Variants in ARHGAP10 observed in about 807,000 individuals in gnomAD.
ARHGAP10 encodes Rho GTPase activating protein 10, also known as rho GTPase-activating protein 10.
A neutral mutation model predicts 108.6 loss-of-function variants in ARHGAP10; 87 were observed. The observed-to-expected ratio is 0.80, with a 90% confidence interval of 0.67 to 0.96. The LOEUF is 0.96. ARHGAP10 is among the 40% of genes least tolerant of loss of function. ARHGAP10 has a pLI of 0.00. For missense variants in ARHGAP10, 939 were observed against 954.5 expected (o/e 0.98, Z 0.21); for synonymous variants, 347 against 341.1 (o/e 1.02, Z -0.19).
At chr4:147,882,322 G>T (rs1458164731) in intron 10 of ARHGAP10, among the ~76,000 whole-genome samples, 1 of 152,092 alleles carries the variant, frequency 6.6e-6, no homozygotes, top group Middle Eastern at 3.2e-3. Context: ...AATTAGCCAG[G>T]CGTGGTGGCA....
intron 1 of ARHGAP10, among the ~76,000 whole-genome samples, chr4:147,783,996 TA>T (rs1344151035): frequency 2.1e-5 from 3 of 139,778 alleles, no homozygotes; most frequent in Non-Finnish European, 3.0e-5. Flanking sequence ...ATAATTTATA[TA>T]ACACATTAAA....
chr4:147,742,844 C>A (rs1159027709), intron 1 of ARHGAP10, among the ~76,000 whole-genome samples: 1 of 150,914 alleles, frequency 6.6e-6, no homozygotes, highest in Non-Finnish European at 1.5e-5. Flanking sequence ...ATAGGCCTCT[C>A]ATTTATACAT....
chr4:148,066,890 G>A (rs1250409734), intron 22 of ARHGAP10, among the ~76,000 whole-genome samples: 2 of 152,204 alleles, frequency 1.3e-5, no homozygotes, highest in Admixed American at 1.3e-4. Context: ...TGACCACGAT[G>A]CCACACTGGG....
rs762417695 is a variant in ARHGAP10, at chr4:147,864,883, A to G, written c.524A>G (p.Tyr175Cys). 16 of 1,614,012 alleles carry G rather than the reference A, an allele frequency of 9.9e-6. No homozygotes were observed. Among genetic ancestry groups the G allele is most frequent in the East Asian group, 2.2e-5 (1 of 44,898 alleles). ...GTAGAGCAGAACCGGCAACACTTCT[A>G]TGAACTGTCTCTCGAGTATGTGTGT... ...IQVEQNRQHFYELSLEYVCKL... is the reference protein window; with the variant it reads ...IQVEQNRQHFCELSLEYVCKL... The change falls in exon 6 of 23, where the codon TAT becomes TGT. Residue 175 changes from tyrosine to cysteine, a missense_variant. Coordinates refer to ENST00000336498, the MANE Select transcript of ARHGAP10 (RefSeq NM_024605.4).
intron 22 of ARHGAP10, among the ~76,000 whole-genome samples, chr4:148,070,265 G>A (rs1400298784): frequency 6.6e-6 from 1 of 152,182 alleles, no homozygotes; most frequent in Non-Finnish European, 1.5e-5. Context: ...CTGGAAGTGG[G>A]GGGATGCTGA....
At chr4:147,933,021 T>G (rs1737765144) in intron 13 of ARHGAP10, among the ~76,000 whole-genome samples, 1 of 152,206 alleles carries the variant, frequency 6.6e-6, no homozygotes, top group South Asian at 2.1e-4. Flanking sequence ...TTTTAAAAAT[T>G]ATTTCAATCT....
intron 4 of ARHGAP10, among the ~76,000 whole-genome samples, chr4:147,854,310 C>G (rs374445465): frequency 6.6e-6 from 1 of 152,066 alleles, no homozygotes; most frequent in East Asian, 1.9e-4. Context: ...AAGACATGGC[C>G]AACATACTGG....
chr4:147,774,564 A>G (rs1172520603), intron 1 of ARHGAP10, among the ~76,000 whole-genome samples: 1 of 152,124 alleles, frequency 6.6e-6, no homozygotes, highest in Non-Finnish European at 1.5e-5. Context: ...ATATTTACTT[A>G]TTTATTATAA....
chr4:147,732,426 A>G lies in ARHGAP10; in HGVS notation c.125A>G (p.Asp42Gly). 6.2e-7 allele frequency: 1 copy of G among 1,612,478 alleles called. No individual in the cohort carries two copies. The highest frequency in any genetic ancestry group is 8.5e-7 in the Non-Finnish European group (1 of 1,179,322). ...TNKFIKELIK[D>G]GKNLIAATKS... ...AAGTTCATCAAAGAGCTCATTAAGG[A>G]CGGGAAGAACCTCATCGCTGCGACG... The change falls in exon 1 of 23, where the codon GAC becomes GGC. Residue 42 changes from aspartate (D) to glycine (G), a missense_variant. By Grantham distance (94) the Asp-to-Gly change is moderately conservative. Coordinates refer to ENST00000336498, the MANE Select transcript of ARHGAP10 (RefSeq NM_024605.4).
intron 10 of ARHGAP10, among the ~76,000 whole-genome samples, chr4:147,883,665 T>A (rs4835467): frequency 2.0e-5 from 3 of 152,098 alleles, no homozygotes; most frequent in South Asian, 2.1e-4. Flanking sequence ...TGCATTCTCC[T>A]CCTAGAGCCC....
intron 3 of ARHGAP10, among the ~76,000 whole-genome samples, chr4:147,824,243 A>G (rs557014981): frequency 2.6e-5 from 4 of 152,182 alleles, no homozygotes; most frequent in South Asian, 2.1e-4. Flanking sequence ...AATTGCTTGA[A>G]TCTGGGAGAT....
chr4:147,766,890 G>T (rs980807747), intron 1 of ARHGAP10, among the ~76,000 whole-genome samples: 1 of 147,296 alleles, frequency 6.8e-6, no homozygotes, highest in African/African-American at 2.6e-5. Context: ...TGTCGCCCAG[G>T]CTGGAGTGAG....
At chr4:147,800,011 A>C (rs900582515) in intron 1 of ARHGAP10, among the ~76,000 whole-genome samples, 1 of 152,052 alleles carries the variant, frequency 6.6e-6, no homozygotes. Context: ...CCTGCCCTAC[A>C]TTTGTGGGCT....
At position 147,879,290 on chromosome 4, in the gene ARHGAP10, A is replaced by G. The variant is rs1443585694; in HGVS notation, c.891A>G (p.Ala297=). ...ACTATTGCATGTATCGAAAAGCAGC[A>G]AAGAAGTTCAACATGATCCCATTTG... is the stretch of plus-strand genomic sequence containing the variant. ...VKHYCMYRKA[A]KKFNMIPFEH... is the part of the protein sequence containing the mutation. Residue 297 remains alanine (A), a synonymous_variant, in exon 9 of 23, where the codon GCA becomes GCG. Transcript: ENST00000336498. 1.2e-6 allele frequency: 2 copies of G among 1,614,014 alleles called. No individual in the cohort carries two copies. The highest frequency in any genetic ancestry group is 2.7e-5 in the African/African-American group (2 of 74,944).
chr4:148,047,522 A>T (rs1001752068), intron 20 of ARHGAP10, among the ~76,000 whole-genome samples: 1 of 152,260 alleles, frequency 6.6e-6, no homozygotes, highest in Non-Finnish European at 1.5e-5. Flanking sequence ...TTGATGGTTG[A>T]CATTTGATTT....
chr4:147,911,458 G>C (rs982145400), intron 12 of ARHGAP10, among the ~76,000 whole-genome samples: 1 of 152,264 alleles, frequency 6.6e-6, no homozygotes, highest in Admixed American at 6.5e-5. Context: ...CGCCTCCCGG[G>C]TTCACTCCGT....
intron 14 of ARHGAP10, among the ~76,000 whole-genome samples, chr4:147,944,641 C>A (rs1297496048): frequency 6.6e-6 from 1 of 152,126 alleles, no homozygotes; most frequent in East Asian, 1.9e-4. Flanking sequence ...CAAGATGTTG[C>A]CTTCTCTATG....
At chr4:147,960,845 C>T (rs1738962861) in intron 16 of ARHGAP10, among the ~76,000 whole-genome samples, 1 of 152,164 alleles carries the variant, frequency 6.6e-6, no homozygotes, top group Non-Finnish European at 1.5e-5. Context: ...TCTTCTGTAT[C>T]TGGTTTCTTT....
intron 1 of ARHGAP10, among the ~76,000 whole-genome samples, chr4:147,797,409 C>T (rs1011851947): frequency 2.1e-4 from 32 of 151,990 alleles, no homozygotes; most frequent in African/African-American, 7.3e-4. Context: ...CGTACCCTCC[C>T]CACTTTGTTT....
Sources: allele counts gnomAD v4.1 joint callset (sites outside exome capture counted in the v4.1 genomes callset), GRCh38; gene constraint gnomAD v4.1.1; transcripts MANE v1.5; gene names NCBI Gene and HGNC (gene_info 2026-07-23, HGNC 2026-07-21).